HDAC9: variants seen among roughly 807,000 people sequenced by gnomAD.
HDAC9 encodes the protein histone deacetylase 9.
A neutral mutation model predicts 139.4 loss-of-function variants in HDAC9; 41 were observed. That is an observed-to-expected ratio of 0.29 (90% confidence interval 0.23 to 0.38). The LOEUF is 0.38. Ranked by LOEUF, HDAC9 falls within the 10% of genes least tolerant of loss-of-function variation. The pLI is 1.00. For synonymous variants in HDAC9, 517 were observed against 476.2 expected, an observed-to-expected ratio of 1.09 and a Z score of -1.12; for missense variants, 1,147 against 1,297.0, an observed-to-expected ratio of 0.88 and a Z score of 1.78.
intron 22 of HDAC9, among the ~76,000 whole-genome samples, chr7:18,897,504 C>T (rs376407479): frequency 8.6e-5 from 13 of 151,966 alleles, no homozygotes; most frequent in Admixed American, 3.9e-4. Flanking sequence ...GAATGCTATG[C>T]GGAGGTTTCT....
chr7:18,888,374 G>A (rs1800364338), intron 22 of HDAC9, among the ~76,000 whole-genome samples: 1 of 152,188 alleles, frequency 6.6e-6, no homozygotes, highest in Non-Finnish European at 1.5e-5. Context: ...GCAGTGAGCC[G>A]AGAGCGTGTC....
chr7:18,530,184 A>G (rs1450798672), intron 2 of HDAC9, among the ~76,000 whole-genome samples: 1 of 152,050 alleles, frequency 6.6e-6, no homozygotes, highest in Non-Finnish European at 1.5e-5. Flanking sequence ...AGGTGGAAGG[A>G]TTGGGGAGGT....
At chr7:18,096,228 A>G (rs1182484489) in intron 1 of HDAC9, among the ~76,000 whole-genome samples, 1 of 152,246 alleles carries the variant, frequency 6.6e-6, no homozygotes, top group Non-Finnish European at 1.5e-5. Context: ...CATGATGATT[A>G]TAACCTCTAT....
chr7:18,180,440 C>A (rs967647021), intron 2 of HDAC9, among the ~76,000 whole-genome samples: 10 of 151,628 alleles, frequency 6.6e-5, no homozygotes, highest in African/African-American at 2.4e-4. Context: ...AGCTAAGTCA[C>A]TGATAAGATT....
At chr7:18,740,557 T>C (rs1787358069) in intron 13 of HDAC9, among the ~76,000 whole-genome samples, 1 of 152,222 alleles carries the variant, frequency 6.6e-6, no homozygotes, top group Non-Finnish European at 1.5e-5. Flanking sequence ...TTTCTCTTTT[T>C]GGCCCTCTCT....
At chr7:18,819,117 T>A (rs1239659136) in intron 17 of HDAC9, among the ~76,000 whole-genome samples, 4 of 152,076 alleles carry the variant, frequency 2.6e-5, no homozygotes, top group African/African-American at 9.7e-5. Context: ...CTGTCTCTAC[T>A]AAAAATACAA....
At chr7:18,621,550 T>C (rs1840208507) in intron 6 of HDAC9, among the ~76,000 whole-genome samples, 1 of 152,134 alleles carries the variant, frequency 6.6e-6, no homozygotes, top group African/African-American at 2.4e-5. Flanking sequence ...AGTATTATAA[T>C]GTCTTTAGGA....
At chr7:18,719,985 A>G (rs557610377) in intron 12 of HDAC9, among the ~76,000 whole-genome samples, 2 of 152,194 alleles carry the variant, frequency 1.3e-5, no homozygotes, top group Non-Finnish European at 2.9e-5. Flanking sequence ...TTATCAATTC[A>G]GTTCCATTGA....
intron 22 of HDAC9, among the ~76,000 whole-genome samples, chr7:18,890,507 A>G (rs2024021): frequency 0.99 from 151,062 of 152,342 alleles, 74,899 homozygotes; most frequent in East Asian, 1. Flanking sequence ...AGCACACGTA[A>G]ATAGTACAGG....
At position 18,612,700 on chromosome 7, in the gene HDAC9, T is replaced by C. The variant is rs143326053; in HGVS notation, c.665-16650T>C. 4.8e-3 allele frequency among the ~76,000 whole-genome samples: 728 copies of C among 152,144 alleles called. 3 individuals carry two copies. Among genetic ancestry groups the C allele is most frequent in the African/African-American group, 0.017 (696 of 41,516 alleles). On this transcript the variant is annotated intron_variant, in intron 6 of 25. Coordinates refer to ENST00000686413, the MANE Select transcript of HDAC9 (RefSeq NM_178425.4). The stretch of plus-strand genomic sequence containing the variant: ...CATTGTTTAAAATAAGTAAATCAGA[T>C]AATCCAGATATAGTGTTGAGTAAAT...
intron 13 of HDAC9, among the ~76,000 whole-genome samples, chr7:18,745,731 A>G (rs1787894460): frequency 6.6e-6 from 1 of 151,202 alleles, no homozygotes; most frequent in African/African-American, 2.4e-5. Flanking sequence ...TATTTTTAGT[A>G]GAGACGGGGT....
intron 15 of HDAC9, among the ~76,000 whole-genome samples, chr7:18,766,395 A>T (rs537443379): frequency 6.6e-6 from 1 of 152,234 alleles, no homozygotes; most frequent in Non-Finnish European, 1.5e-5. Flanking sequence ...ATGAAACACC[A>T]GTTCTAAGAG....
intron 1 of HDAC9, among the ~76,000 whole-genome samples, chr7:18,357,930 A>C (rs1783451525): frequency 6.6e-6 from 1 of 152,196 alleles, no homozygotes; most frequent in East Asian, 1.9e-4. Flanking sequence ...AGAGGGCAAA[A>C]GAAAAACAGC....
chr7:18,208,522 C>T (rs528198189), intron 2 of HDAC9, among the ~76,000 whole-genome samples: 5 of 151,976 alleles, frequency 3.3e-5, no homozygotes, highest in Admixed American at 3.3e-4. Flanking sequence ...ACTACAGGTT[C>T]GCACCACCAC....
At chr7:18,661,836 G>A (rs1276584367) in intron 11 of HDAC9, among the ~76,000 whole-genome samples, 2 of 151,676 alleles carry the variant, frequency 1.3e-5, no homozygotes, top group East Asian at 1.9e-4. Flanking sequence ...GAAACTGACC[G>A]GAACAAATAG....
chr7:18,183,185 A>AT (rs1789618192), intron 2 of HDAC9, among the ~76,000 whole-genome samples: 1 of 151,822 alleles, frequency 6.6e-6, no homozygotes, highest in Non-Finnish European at 1.5e-5. Flanking sequence ...AATTTTTTGT[A>AT]TTTTTAGTAG....
intron 2 of HDAC9, among the ~76,000 whole-genome samples, chr7:18,183,300 C>T (rs886550615): frequency 2.6e-5 from 4 of 152,198 alleles, no homozygotes; most frequent in Non-Finnish European, 4.4e-5. Context: ...TGAGCCACGG[C>T]GCCCAGCCAT....
chr7:18,569,142 A>G (rs968039650), intron 2 of HDAC9, among the ~76,000 whole-genome samples: 2 of 152,170 alleles, frequency 1.3e-5, no homozygotes, highest in Non-Finnish European at 2.9e-5. Context: ...GATAATAAAT[A>G]TTTGAGATTT....
rs115943758 is a variant in HDAC9 at position 18,836,546 on chromosome 7, A to G, written c.2684+549A>G. Reference sequence around the variant, plus strand: ...ATTAACTAATTAATTGGTTGCTTCCATTTTCTCTGGAACAAAATCTACAAA... The same window carrying G: ...ATTAACTAATTAATTGGTTGCTTCCGTTTTCTCTGGAACAAAATCTACAAA... On this transcript the variant is annotated intron_variant, in intron 21 of 25. Transcript: ENST00000686413. 3.7e-3 allele frequency among the ~76,000 whole-genome samples: 565 copies of G among 152,212 alleles called. 3 individuals carry two copies. The highest frequency in any genetic ancestry group is 0.013 in the African/African-American group (526 of 41,532).
Sources: allele counts gnomAD v4.1 joint callset (sites outside exome capture counted in the v4.1 genomes callset), GRCh38; gene constraint gnomAD v4.1.1; transcripts MANE v1.5; gene names NCBI Gene and HGNC (gene_info 2026-07-23, HGNC 2026-07-21).